Variants in EPHA5 observed in about 807,000 individuals in gnomAD.
EPHA5 encodes the protein EPH receptor A5.
Under a neutral mutation model 105.0 loss-of-function variants are expected in EPHA5, and 60 were observed. That is an observed-to-expected ratio of 0.57 (90% CI 0.46 to 0.71). The LOEUF (loss-of-function observed/expected upper bound fraction) is 0.71. Ranked by LOEUF, EPHA5 falls within the 30% of genes least tolerant of loss-of-function variation. The pLI, the probability that EPHA5 is intolerant of heterozygous loss-of-function variation, is 0.00. For missense variants in EPHA5, 1,218 were observed against 1,274.7 expected (o/e 0.96, Z 0.68); for synonymous variants, 513 against 449.1 (o/e 1.14, Z -1.80).
chr4:65,552,168 C>A (rs1046902319), intron 3 of EPHA5, among the ~76,000 whole-genome samples: 3 of 152,196 alleles, frequency 2.0e-5, no homozygotes, highest in African/African-American at 7.2e-5. Context: ...ATGCTGACTT[C>A]ATCAGTATTT....
At chr4:65,668,562 T>G (rs10000907) in intron 1 of EPHA5, among the ~76,000 whole-genome samples, 5,146 of 152,136 alleles carry the variant, frequency 0.034, 300 homozygotes, top group African/African-American at 0.12. Context: ...GAGCAAGCGC[T>G]GCTGGAGGGG....
chr4:65,337,077 T>A (rs981571152), intron 14 of EPHA5, among the ~76,000 whole-genome samples: 3 of 152,122 alleles, frequency 2.0e-5, no homozygotes, highest in African/African-American at 7.2e-5. Context: ...AATTTTAATT[T>A]TTTTTTCTTT....
chr4:65,565,571 G>T (rs1269573202), intron 3 of EPHA5, among the ~76,000 whole-genome samples: 1 of 151,116 alleles, frequency 6.6e-6, no homozygotes, highest in Non-Finnish European at 1.5e-5. Flanking sequence ...AAAAATATAA[G>T]ATTCTACTTA....
At chr4:65,537,968 T>C (rs1410978187) in intron 3 of EPHA5, among the ~76,000 whole-genome samples, 1 of 151,728 alleles carries the variant, frequency 6.6e-6, no homozygotes, top group African/African-American at 2.4e-5. Flanking sequence ...TCACCTATAT[T>C]GGGGTGGCTT....
intron 8 of EPHA5, among the ~76,000 whole-genome samples, chr4:65,382,165 C>G (rs1235173021): frequency 6.6e-6 from 1 of 151,692 alleles, no homozygotes. Flanking sequence ...TTCACATTAA[C>G]ACTGTAATCA....
intron 13 of EPHA5, among the ~76,000 whole-genome samples, chr4:65,348,871 A>G (rs1273217777): frequency 8.1e-6 from 1 of 122,990 alleles, no homozygotes; most frequent in Non-Finnish European, 1.6e-5. Context: ...GCTGGAGTGC[A>G]GTGGTGAGAT....
At chr4:65,665,788 G>C (rs1749916767) in intron 1 of EPHA5, among the ~76,000 whole-genome samples, 1 of 152,112 alleles carries the variant, frequency 6.6e-6, no homozygotes, top group Non-Finnish European at 1.5e-5. Context: ...AAAATGTCAA[G>C]ACCTAGGTCC....
intron 3 of EPHA5, among the ~76,000 whole-genome samples, chr4:65,504,176 T>C (rs2149246725): frequency 6.6e-6 from 1 of 151,432 alleles, no homozygotes; most frequent in African/African-American, 2.4e-5. Context: ...TTAATTATAA[T>C]ACTAATTTCC....
At chr4:65,437,900 T>C (rs1051395480) in intron 5 of EPHA5, among the ~76,000 whole-genome samples, 60 of 151,954 alleles carry the variant, frequency 3.9e-4, no homozygotes, top group African/African-American at 1.4e-3. Context: ...TTTACATAGT[T>C]AAAATTTAAG....
chr4:65,499,273 TA>T, intron 3 of EPHA5, among the ~76,000 whole-genome samples: 1 of 151,806 alleles, frequency 6.6e-6, no homozygotes, highest in East Asian at 1.9e-4. Context: ...TCATATCAAA[TA>T]AAATTATCTG....
chr4:65,392,171 G>A (rs1216408073), intron 8 of EPHA5, among the ~76,000 whole-genome samples: 3 of 151,984 alleles, frequency 2.0e-5, no homozygotes, highest in East Asian at 1.9e-4. Context: ...AATAAATTAT[G>A]ATGTGCTCTC....
chr4:65,352,293 A>G (rs1722891540), intron 12 of EPHA5, among the ~76,000 whole-genome samples: 1 of 152,030 alleles, frequency 6.6e-6, no homozygotes, highest in Non-Finnish European at 1.5e-5. Context: ...AATTCATTGC[A>G]TAGGTCCCTC....
chr4:65,331,380 G>A (rs541149362), intron 16 of EPHA5: 525 of 1,040,916 alleles, frequency 5.0e-4, no homozygotes, highest in Non-Finnish European at 5.9e-4. Flanking sequence ...TATCTTAAAC[G>A]TGCAAACAGA....
At chr4:65,376,958 T>G in intron 8 of EPHA5, 2 of 1,542,858 alleles carry the variant, frequency 1.3e-6, no homozygotes, top group East Asian at 4.6e-5. Flanking sequence ...TACATATAGG[T>G]GGACATCACA....
At chr4:65,544,813 T>A (rs1406770937) in intron 3 of EPHA5, among the ~76,000 whole-genome samples, 1 of 151,934 alleles carries the variant, frequency 6.6e-6, no homozygotes, top group East Asian at 1.9e-4. Flanking sequence ...AGCAAAGACC[T>A]GTAACCAACC....
At chr4:65,628,233 T>C (rs1429405474) in intron 2 of EPHA5, among the ~76,000 whole-genome samples, 2 of 152,110 alleles carry the variant, frequency 1.3e-5, no homozygotes, top group Non-Finnish European at 2.9e-5. Flanking sequence ...TCTGAAAATG[T>C]GGGGAGTCTT....
chr4:65,523,063 T>C (rs1439228434), intron 3 of EPHA5, among the ~76,000 whole-genome samples: 2 of 151,910 alleles, frequency 1.3e-5, no homozygotes, highest in African/African-American at 4.8e-5. Context: ...TCATGCTCTA[T>C]TTTCTCCGTT....
rs528096914 is a variant in EPHA5 at position 65,503,540 on chromosome 4, G to GA, written c.911-7998dup. Among the ~76,000 whole-genome samples, 163 of 151,718 alleles carry GA rather than the reference G, an allele frequency of 1.1e-3. 6 individuals carry two copies. In the South Asian group the frequency reaches 0.032, roughly 30 times the overall value. ...ATAAGAAAAGGACAGGAATACTATT[G>GA]AAAAATCATTAAATCTCTCAATACA... On this transcript the variant is annotated intron_variant, in intron 3 of 16. Transcript: ENST00000613740.
rs541405206 is a variant in EPHA5 at position 65,613,421 on chromosome 4, TA to T, written c.247-11118del. 3.9e-4 allele frequency among the ~76,000 whole-genome samples: 59 copies of T among 152,176 alleles called. 1 individual carries two copies. In the East Asian group the frequency reaches 0.011, roughly 29 times the overall value. ...CTAATTCTGTGAAAAATAGTGTTGA[TA>T]TTTTTTATAGGAATTGCATTGAATC... On this transcript the variant is annotated intron_variant, in intron 2 of 16. Coordinates refer to ENST00000613740, the MANE Select transcript of EPHA5 (RefSeq NM_001281766.3).
Sources: allele counts gnomAD v4.1 joint callset (sites outside exome capture counted in the v4.1 genomes callset), GRCh38; gene constraint gnomAD v4.1.1; transcripts MANE v1.5; gene names NCBI Gene and HGNC (gene_info 2026-07-23, HGNC 2026-07-21).